TMEM178A: variants seen among roughly 807,000 people sequenced by gnomAD.
TMEM178A encodes transmembrane protein 178.
In TMEM178A, 12 loss-of-function variants were observed where a neutral mutation model predicts 29.1. The ratio of observed to expected loss-of-function variants is 0.41; its 90% CI spans 0.26 to 0.67. The LOEUF (loss-of-function observed/expected upper bound fraction) is 0.67, where lower values mean the gene tolerates loss of function less well. Among genes scored for constraint, TMEM178A ranks in the 30% least tolerant of loss-of-function variants. TMEM178A has a pLI of 0.29. For synonymous variants in TMEM178A, 210 were observed against 187.2 expected (o/e 1.12, Z -0.99); for missense variants, 366 against 419.1 (o/e 0.87, Z 1.11).
At chr2:39,685,008 T>C (rs1671012404) in intron 1 of TMEM178A, among the ~76,000 whole-genome samples, 1 of 152,248 alleles carries the variant, frequency 6.6e-6, no homozygotes, top group Admixed American at 6.5e-5. Flanking sequence ...CCATCCCTTA[T>C]ATTACTGCCT....
At chr2:39,726,200 C>T in the TMEM178A span, among the ~76,000 whole-genome samples, 1 of 151,948 alleles carries the variant, frequency 6.6e-6, no homozygotes, top group Non-Finnish European at 1.5e-5. Context: ...GTGCTATGAA[C>T]GAAAAATGAG....
chr2:39,705,978 T>C (rs1160801472), intron 2 of TMEM178A, among the ~76,000 whole-genome samples: 2 of 152,190 alleles, frequency 1.3e-5, no homozygotes, highest in Non-Finnish European at 2.9e-5. Context: ...TTAAAGTTAG[T>C]TTTGTTAAAA....
rs576402500 is a variant in TMEM178A at position 39,680,143 on chromosome 2, C to G, written c.400+13769C>G. Among the ~76,000 whole-genome samples the G allele has an allele frequency of 1.3e-4, 20 of 152,266 alleles. 1 individual carries two copies. In the South Asian group the frequency reaches 4.1e-3, roughly 32 times the overall value. ...TAGCTATGTGACCTTGGCAAGTGAC[C>G]TTACCTCTTCAGATCTTGATTTTCT... On this transcript the variant is annotated intron_variant, in intron 1 of 3. Transcript: ENST00000281961.
chr2:39,696,775 C>T (rs1671563165), intron 1 of TMEM178A, among the ~76,000 whole-genome samples: 1 of 152,158 alleles, frequency 6.6e-6, no homozygotes, highest in Admixed American at 6.5e-5. Context: ...AGAAATTCAC[C>T]AGGCAAAAAG....
At chr2:39,722,304 A>G (rs1572704480), downstream of TMEM178A, among the ~76,000 whole-genome samples, 1 of 152,212 alleles carries the variant, frequency 6.6e-6, no homozygotes, top group Non-Finnish European at 1.5e-5. Context: ...CTTGTATCAA[A>G]AAGGAGATAC....
downstream of TMEM178A, among the ~76,000 whole-genome samples, chr2:39,718,684 AT>A (rs572197695): frequency 1.3e-5 from 2 of 150,520 alleles, no homozygotes; most frequent in South Asian, 2.1e-4. Flanking sequence ...CATTTGCTTC[AT>A]TTTTTTTTCT....
At chr2:39,712,041 T>TTTTGTGTGTGTGTG (rs1553350720) in intron 3 of TMEM178A, among the ~76,000 whole-genome samples, 1 of 139,348 alleles carries the variant, frequency 7.2e-6, no homozygotes, top group East Asian at 2.2e-4. Flanking sequence ...GAATTGCATT[T>TTTTGTGTGTGTGTG]TGTGTGTGTG....
downstream of TMEM178A, among the ~76,000 whole-genome samples, chr2:39,722,923 G>C (rs187826874): frequency 6.6e-6 from 1 of 152,140 alleles, no homozygotes; most frequent in African/African-American, 2.4e-5. Flanking sequence ...GGACCTTAGA[G>C]GTAAATTCCC....
intron 3 of TMEM178A, among the ~76,000 whole-genome samples, chr2:39,711,907 C>T (rs1045107722): frequency 3.9e-5 from 6 of 152,060 alleles, no homozygotes; most frequent in East Asian, 1.9e-4. Flanking sequence ...GCTAAACATA[C>T]GAATATTCAC....
At chr2:39,706,471 T>G (rs1291204230) in intron 2 of TMEM178A, among the ~76,000 whole-genome samples, 1 of 152,218 alleles carries the variant, frequency 6.6e-6, no homozygotes, top group African/African-American at 2.4e-5. Flanking sequence ...TCTCAAATTG[T>G]TTTTGAAAAT....
chr2:39,676,278 G>A (rs1670620851), intron 1 of TMEM178A, among the ~76,000 whole-genome samples: 1 of 152,184 alleles, frequency 6.6e-6, no homozygotes, highest in African/African-American at 2.4e-5. Context: ...GTAACAGGAC[G>A]TTTGGAGAAA....
chr2:39,674,695 C>T (rs979568275), intron 1 of TMEM178A, among the ~76,000 whole-genome samples: 4 of 152,152 alleles, frequency 2.6e-5, no homozygotes, highest in African/African-American at 7.2e-5. Context: ...AAAAATTTGT[C>T]TTTTTCTTCA....
At chr2:39,703,283 A>G (rs568477009) in intron 1 of TMEM178A, among the ~76,000 whole-genome samples, 133 of 152,350 alleles carry the variant, frequency 8.7e-4, no homozygotes, top group African/African-American at 3.2e-3. Context: ...AAGACAGAGT[A>G]GATACTTTTC....
chr2:39,685,925 C>G (rs10198048), intron 1 of TMEM178A, among the ~76,000 whole-genome samples: 1 of 152,176 alleles, frequency 6.6e-6, no homozygotes, highest in African/African-American at 2.4e-5. Context: ...GTTTGTGTGT[C>G]TCAGGAAGTG....
At chr2:39,686,490 A>G (rs1383563798) in intron 1 of TMEM178A, among the ~76,000 whole-genome samples, 5 of 152,070 alleles carry the variant, frequency 3.3e-5, no homozygotes, top group East Asian at 1.9e-4. Context: ...TTCCTTGTCA[A>G]TTTTGCACAG....
chr2:39,685,066 T>C (rs1671016049), intron 1 of TMEM178A, among the ~76,000 whole-genome samples: 1 of 152,218 alleles, frequency 6.6e-6, no homozygotes, highest in South Asian at 2.1e-4. Flanking sequence ...TTTTTGCTTG[T>C]TTTAAAAAAT....
chr2:39,731,944 T>C, the TMEM178A span, among the ~76,000 whole-genome samples: 1 of 152,202 alleles, frequency 6.6e-6, no homozygotes, highest in Non-Finnish European at 1.5e-5. Context: ...CTACACAGTA[T>C]GGCCTCTTGA....
intron 1 of TMEM178A, among the ~76,000 whole-genome samples, chr2:39,666,682 C>G (rs980902948): frequency 6.6e-6 from 1 of 152,220 alleles, no homozygotes; most frequent in Non-Finnish European, 1.5e-5. Flanking sequence ...TTCTCTCTCT[C>G]TCCCCGTCCT....
intron 1 of TMEM178A, among the ~76,000 whole-genome samples, chr2:39,673,192 G>C (rs1450113702): frequency 6.6e-6 from 1 of 152,176 alleles, no homozygotes; most frequent in Non-Finnish European, 1.5e-5. Context: ...AGTCCGCCTT[G>C]GCCGTCGTCA....
Sources: gnomAD v4.1 joint callset for allele counts (sites outside exome capture counted in the v4.1 genomes callset) on GRCh38, gnomAD v4.1.1 for gene constraint, MANE v1.5 for transcripts, NCBI Gene and HGNC (gene_info 2026-07-23, HGNC 2026-07-21) for gene names.